Variants in PARP9 observed in about 807,000 individuals in gnomAD.
PARP9 encodes the protein poly(ADP-ribose) polymerase family member 9, also known as protein mono-ADP-ribosyltransferase PARP9.
PARP9 carries 48 observed loss-of-function variants against 68.8 expected under a neutral mutation model. The ratio of observed to expected loss-of-function variants is 0.70; its 90% confidence interval spans 0.55 to 0.89. PARP9 has a LOEUF of 0.89. Among genes scored for constraint, PARP9 ranks in the 40% least tolerant of loss-of-function variants. PARP9 has a pLI of 0.00. For synonymous variants in PARP9, 309 were observed against 333.8 expected (o/e 0.93, Z 0.81); for missense variants, 806 against 969.3 (o/e 0.83, Z 2.24).
chr3:122,541,585 A>G (rs151266820), intron 7 of PARP9, among the ~76,000 whole-genome samples: 8 of 152,384 alleles, frequency 5.2e-5, no homozygotes, highest in Non-Finnish European at 1.2e-4. Flanking sequence ...AAAAACAAAC[A>G]TGAATCTCTG....
chr3:122,556,061 T>C lies in PARP9; in HGVS notation c.110A>G (p.Lys37Arg), dbSNP rs1390374425. ...CTGACGCTCATTATTTTTTAAAATT[T>C]TGAAGTCATTGTGGTTAATGGGAAT... The part of the protein sequence containing the change: ...WQIPINHNDF[K>R]ILKNNERQLC... The change falls in exon 4 of 11, where the codon AAA (lysine) becomes AGA (arginine). Residue 37 changes from lysine (K) to arginine (R), a missense_variant. By Grantham distance (26) the Lys-to-Arg change is conservative. Around this residue, in one of 2 missense-constraint regions of PARP9, gnomAD observed 126 missense variants for 110.5 expected, o/e 1.14. Coordinates refer to ENST00000682323, the MANE Select transcript of PARP9 (RefSeq NM_001146105.2). 2.5e-6 allele frequency: 4 copies of C among 1,611,878 alleles called. No homozygotes were observed. In the Admixed American group the frequency reaches 5.0e-5, roughly 20 times the overall value.
intron 8 of PARP9, among the ~76,000 whole-genome samples, chr3:122,539,717 T>A (rs2078039299): frequency 6.6e-6 from 1 of 151,978 alleles, no homozygotes; most frequent in Non-Finnish European, 1.5e-5. Flanking sequence ...TGGGCCACCA[T>A]GCCTGGCTAA....
In PARP9 at chr3:122,551,256, C is replaced by A. The variant is rs566132154; in HGVS notation, c.1108-454G>T. 6.6e-5 allele frequency among the ~76,000 whole-genome samples: 10 copies of A among 152,222 alleles called. No homozygotes were observed. In the South Asian group the frequency reaches 2.1e-3, roughly 32 times the overall value. On this transcript the variant is annotated intron_variant, in intron 5 of 10. Coordinates refer to ENST00000682323, the MANE Select transcript of PARP9 (RefSeq NM_001146105.2). Reference sequence around the variant, plus strand: ...CTTGGAGAAATGCTAATATTTTTGGCAGATTTAAATTTCTACCAACTGTTA... The same window carrying A: ...CTTGGAGAAATGCTAATATTTTTGGAAGATTTAAATTTCTACCAACTGTTA...
intron 10 of PARP9, chr3:122,532,089 C>T: frequency 1.1e-6 from 1 of 948,440 alleles, no homozygotes. Flanking sequence ...TGGGTGCAGT[C>T]CCTCATCCAG....
intron 6 of PARP9, chr3:122,545,718 G>A (rs1364425614): frequency 5.6e-6 from 3 of 531,062 alleles, no homozygotes; most frequent in East Asian, 3.0e-5. Flanking sequence ...TCAAAATCTG[G>A]TATAAATAAA....
In PARP9 at chr3:122,537,021, G is replaced by T; in HGVS notation, c.1818C>A (p.Ile606=). ...GAGGCACAGGACATTTCAGAAATAT[G>T]ATATTTTCTTTCATTTCGTCTTGGG... ...QKTQDEMKEN[I]IFLKCPVPPT... Residue 606 remains isoleucine, a synonymous_variant, in exon 9 of 11, where the codon ATC becomes ATA. Transcript: ENST00000682323. 1 of 1,611,494 alleles carries T rather than the reference G, an allele frequency of 6.2e-7. No individual in the cohort carries two copies. Among genetic ancestry groups the T allele is most frequent in the South Asian group, 1.1e-5 (1 of 91,018 alleles).
chr3:122,544,583 G>A (rs1366947627), intron 7 of PARP9, among the ~76,000 whole-genome samples: 2 of 152,120 alleles, frequency 1.3e-5, no homozygotes, highest in Non-Finnish European at 2.9e-5. Flanking sequence ...TTCGGAGGTG[G>A]AGGCAGGCAG....
At chr3:122,536,883 C>A (rs1310308360) in intron 9 of PARP9, 51 bp downstream of exon 9, 1 of 1,568,232 alleles carries the variant, frequency 6.4e-7, no homozygotes, top group Non-Finnish European at 8.6e-7. Context: ...GCTACAGAAA[C>A]AAGTTAATTA....
At chr3:122,540,246 T>C (rs1207537080) in intron 8 of PARP9, among the ~76,000 whole-genome samples, 1 of 152,208 alleles carries the variant, frequency 6.6e-6, no homozygotes, top group East Asian at 1.9e-4. Flanking sequence ...TCAAGGTTAT[T>C]ACAAGTAAAT....
At chr3:122,559,786 G>C in intron 1 of PARP9, 77 bp from the exon 2 acceptor site, 1 of 516,320 alleles carries the variant, frequency 1.9e-6, no homozygotes, top group Non-Finnish European at 3.3e-6. Flanking sequence ...ACTGTAGGAG[G>C]ACTGAACATG....
At chr3:122,559,739 A>G in intron 1 of PARP9, 30 bp from the exon 2 acceptor site, 2 of 945,120 alleles carry the variant, frequency 2.1e-6, no homozygotes, top group African/African-American at 3.3e-5. Context: ...GATGCAATAA[A>G]CATTAGCCAG....
In PARP9 at chr3:122,555,888, G is replaced by A; in HGVS notation, c.283C>T (p.His95Tyr). 6.2e-7 allele frequency: 1 copy of A among 1,614,044 alleles called. No homozygotes were observed. The highest frequency in any genetic ancestry group is 1.3e-5 in the African/African-American group (1 of 75,010). ...LSVWKDDLTT[H>Y]AVDAVVNAAN... ...GCATTCACCACAGCATCAACAGCAT[G>A]TGTGGTGAGGTCATCTTTCCAGACT... Residue 95 changes from histidine to tyrosine, a missense_variant, in exon 4 of 11, where the codon CAT (histidine) becomes TAT (tyrosine). His to Tyr is a moderately conservative substitution (Grantham distance 83). This residue lies in a region of PARP9 where 126 missense variants were observed against 110.5 expected (regional missense o/e 1.14). Coordinates refer to ENST00000682323, the MANE Select transcript of PARP9 (RefSeq NM_001146105.2).
rs576723889 is a variant in PARP9 at position 122,529,711 on chromosome 3, G to A, written c.2081-968C>T. 6.9e-5 allele frequency among the ~76,000 whole-genome samples: 10 copies of A among 144,566 alleles called. No homozygotes were observed. The South Asian group carries it at 1.7e-3, about 25-fold the overall frequency. 94.8% of individuals were successfully genotyped at this position (144,566 alleles called of 152,430 possible). On this transcript the variant is annotated intron_variant, in intron 10 of 10. Coordinates refer to ENST00000682323, the MANE Select transcript of PARP9 (RefSeq NM_001146105.2). Reference sequence around the variant, plus strand: ...GGAGCTTGCAGTGAGCCGAGGTTGCGCCACTGCACTCCAGCCTGGGCAACA... The same window carrying A: ...GGAGCTTGCAGTGAGCCGAGGTTGCACCACTGCACTCCAGCCTGGGCAACA...
At chr3:122,538,579 A>C (rs2077831402) in intron 8 of PARP9, among the ~76,000 whole-genome samples, 1 of 151,534 alleles carries the variant, frequency 6.6e-6, no homozygotes. Context: ...GCGGCAGAGC[A>C]AGAGACTTAT....
At chr3:122,536,043 C>T in intron 10 of PARP9, 125 bp downstream of exon 10, 2 of 1,572,090 alleles carry the variant, frequency 1.3e-6, no homozygotes, top group Admixed American at 1.8e-5. Context: ...TCATTTGTGA[C>T]CTCTAAATCA....
chr3:122,548,255 AT>A lies in PARP9; in HGVS notation c.1326+2328del, dbSNP rs1203424875. Among the ~76,000 whole-genome samples, 3 of 152,250 alleles carry A rather than the reference AT, an allele frequency of 2.0e-5. No homozygotes were observed. The East Asian group carries it at 5.8e-4, about 29-fold the overall frequency. ...AAAGAGCAAGCTGGAACAAGTATAAATTCACTTCCATATAGGCAGAGATAAA... is the reference window on the plus strand; with the variant it reads ...AAAGAGCAAGCTGGAACAAGTATAAATCACTTCCATATAGGCAGAGATAAA... On this transcript the variant is annotated intron_variant, in intron 6 of 10. Transcript: ENST00000682323.
intron 10 of PARP9, among the ~76,000 whole-genome samples, chr3:122,530,659 T>C (rs576006785): frequency 6.6e-6 from 1 of 152,342 alleles, no homozygotes; most frequent in East Asian, 1.9e-4. Context: ...TATCCTTCCT[T>C]CCTTTCCTTT....
At chr3:122,547,665 C>T (rs2078873779) in intron 6 of PARP9, among the ~76,000 whole-genome samples, 1 of 151,716 alleles carries the variant, frequency 6.6e-6, no homozygotes, top group South Asian at 2.1e-4. Flanking sequence ...TTGGCCTGGG[C>T]AACATAGTGA....
chr3:122,536,154 G>A lies in PARP9; in HGVS notation c.2080+14C>T. On this transcript the variant is annotated intron_variant, in intron 10 of 10. Transcript: ENST00000682323. ...TCCACAGAGTAGCCCCAATGATGAG[G>A]CATTGACACCTACCGCAAGGTGTCG... 1.2e-6 allele frequency: 2 copies of A among 1,614,082 alleles called. No homozygotes were observed. The highest frequency in any genetic ancestry group is 1.1e-5 in the South Asian group (1 of 91,070).
Sources: allele counts gnomAD v4.1 joint callset (sites outside exome capture counted in the v4.1 genomes callset), GRCh38; gene constraint gnomAD v4.1.1; regional missense constraint gnomAD v4.1.1; transcripts MANE v1.5; gene names NCBI Gene and HGNC (gene_info 2026-07-23, HGNC 2026-07-21).